ANK2: variants seen among roughly 807,000 people sequenced by gnomAD.
ANK2 encodes the protein ankyrin-2.
A neutral mutation model predicts 360.5 loss-of-function variants in ANK2; 83 were observed. The observed-to-expected ratio is 0.23, with a 90% CI of 0.19 to 0.28. ANK2 has a LOEUF of 0.28. Ranked by LOEUF, ANK2 falls within the 10% of genes least tolerant of loss-of-function variation. The pLI is 1.00. For synonymous variants in ANK2, 1,740 were observed against 1,759.5 expected (o/e 0.99, Z 0.28); for missense variants, 4,201 against 4,795.7 (o/e 0.88, Z 3.66).
chr4:113,264,832 C>CTTTA, intron 13 of ANK2, 65 bp from the exon 14 acceptor site: 1 of 1,501,454 alleles, frequency 6.7e-7, no homozygotes, highest in Non-Finnish European at 9.0e-7. Flanking sequence ...AAAGGGACAA[C>CTTTA]TTTATTCTTT....
At chr4:113,218,973 C>T (rs2099118271) in intron 4 of ANK2, among the ~76,000 whole-genome samples, 1 of 152,082 alleles carries the variant, frequency 6.6e-6, no homozygotes, top group Non-Finnish European at 1.5e-5. Context: ...AATAAAAGCA[C>T]CCTATAGCGA....
At chr4:112,785,251 TC>T in the ANK2 span, among the ~76,000 whole-genome samples, 1 of 152,210 alleles carries the variant, frequency 6.6e-6, no homozygotes, top group Non-Finnish European at 1.5e-5. Flanking sequence ...CTCCCCTTGA[TC>T]CTTAATATGT....
At chr4:112,982,184 A>T (rs541292341) in intron 2 of ANK2, among the ~76,000 whole-genome samples, 372 of 152,002 alleles carry the variant, frequency 2.4e-3, no homozygotes, top group Middle Eastern at 0.01. Flanking sequence ...AAGAAGAAAA[A>T]TTTTTTTTTA....
chr4:112,897,553 G>C (rs776804590), intron 1 of ANK2, among the ~76,000 whole-genome samples: 6 of 152,136 alleles, frequency 3.9e-5, no homozygotes, highest in Non-Finnish European at 8.8e-5. Flanking sequence ...CCTCATCTGT[G>C]AAAATGAAGG....
chr4:112,815,270 A>AT (rs1230757937), upstream of ANK2, among the ~76,000 whole-genome samples: 1 of 152,220 alleles, frequency 6.6e-6, no homozygotes, highest in African/African-American at 2.4e-5. Flanking sequence ...TGGAAACAGT[A>AT]TATCCCTAAC....
intron 4 of ANK2, among the ~76,000 whole-genome samples, chr4:113,223,564 T>C (rs1487000640): frequency 6.6e-6 from 1 of 152,164 alleles, no homozygotes; most frequent in East Asian, 1.9e-4. Flanking sequence ...CCAGGTAAGA[T>C]AGCATTTGAA....
chr4:113,161,695 CGTGTGTGT>C (rs56162406), intron 1 of ANK2, among the ~76,000 whole-genome samples: 141 of 144,836 alleles, frequency 9.7e-4, no homozygotes, highest in African/African-American at 3.2e-3. Flanking sequence ...GTTTTAGTCT[CGTGTGTGT>C]GTGTGTGTGT....
chr4:113,146,532 T>G (rs1486395254), intron 1 of ANK2, among the ~76,000 whole-genome samples: 1 of 152,192 alleles, frequency 6.6e-6, no homozygotes, highest in Non-Finnish European at 1.5e-5. Flanking sequence ...TAGTAATAGT[T>G]TGTAAAAAGG....
chr4:112,993,258 G>C (rs2047415838), intron 2 of ANK2, among the ~76,000 whole-genome samples: 1 of 152,016 alleles, frequency 6.6e-6, no homozygotes, highest in East Asian at 1.9e-4. Context: ...CTCCAGGCTG[G>C]GTGACAGAGC....
intron 4 of ANK2, among the ~76,000 whole-genome samples, chr4:113,229,946 T>C (rs1260845414): frequency 2.0e-5 from 3 of 152,228 alleles, no homozygotes; most frequent in Non-Finnish European, 4.4e-5. Flanking sequence ...TTTTCATCCC[T>C]GCCTTTTGCT....
At chr4:113,310,255 A>G (rs75257820) in intron 23 of ANK2, among the ~76,000 whole-genome samples, 1 of 152,172 alleles carries the variant, frequency 6.6e-6, no homozygotes. Flanking sequence ...GCTGAGAGAC[A>G]GCGGTGAGAA....
intron 2 of ANK2, among the ~76,000 whole-genome samples, chr4:112,935,593 A>G (rs2093656774): frequency 6.6e-6 from 1 of 152,094 alleles, no homozygotes; most frequent in South Asian, 2.1e-4. Context: ...AATAGGCCTA[A>G]CACTTTGGGA....
intron 23 of ANK2, among the ~76,000 whole-genome samples, chr4:113,309,673 C>G (rs988213284): frequency 6.6e-6 from 1 of 152,020 alleles, no homozygotes; most frequent in Admixed American, 6.6e-5. Context: ...TGCATGACAC[C>G]ATGACCTGCT....
intron 1 of ANK2, among the ~76,000 whole-genome samples, chr4:113,114,268 GA>G (rs1050453325): frequency 1.6e-4 from 25 of 152,092 alleles, no homozygotes; most frequent in Admixed American, 6.5e-4. Context: ...AAGATACCTG[GA>G]AAAAATTATT....
the ANK2 span, among the ~76,000 whole-genome samples, chr4:112,795,477 T>A: frequency 2.0e-5 from 3 of 151,614 alleles, no homozygotes; most frequent in African/African-American, 7.3e-5. Flanking sequence ...AAGATCCAGG[T>A]ACAGGATTAG....
chr4:113,049,865 G>T (rs1304355688), intron 1 of ANK2, 53 bp downstream of exon 1: 1 of 1,588,968 alleles, frequency 6.3e-7, no homozygotes, highest in African/African-American at 1.3e-5. Context: ...GTGTGTGCAT[G>T]TGTGAGTGTG....
intron 1 of ANK2, among the ~76,000 whole-genome samples, chr4:112,891,983 C>T (rs1237892105): frequency 6.6e-6 from 1 of 151,866 alleles, no homozygotes; most frequent in Non-Finnish European, 1.5e-5. Flanking sequence ...TGCTAGCATC[C>T]ATGGTTACAA....
the ANK2 span, among the ~76,000 whole-genome samples, chr4:112,733,830 A>G: frequency 6.6e-6 from 1 of 152,338 alleles, no homozygotes; most frequent in South Asian, 2.1e-4. Context: ...CCTGGAGTGC[A>G]ATGATGTGAT....
At chr4:112,963,098 T>G (rs2035615403) in intron 2 of ANK2, among the ~76,000 whole-genome samples, 1 of 152,162 alleles carries the variant, frequency 6.6e-6, no homozygotes, top group African/African-American at 2.4e-5. Flanking sequence ...TTCAGTTAGT[T>G]CTGACCCCAT....
Sources: allele counts gnomAD v4.1 joint callset (sites outside exome capture counted in the v4.1 genomes callset), GRCh38; gene constraint gnomAD v4.1.1; transcripts MANE v1.5; gene names NCBI Gene and HGNC (gene_info 2026-07-23, HGNC 2026-07-21).